LGALS8: variants seen among roughly 807,000 people sequenced by gnomAD.
The protein encoded by LGALS8 is galectin-8.
Under a neutral mutation model 35.9 loss-of-function variants are expected in LGALS8, and 30 were observed. That is an observed-to-expected ratio of 0.83 (90% CI 0.62 to 1.13). LGALS8 has a LOEUF of 1.13. Ranked by LOEUF, LGALS8 falls within the 50% of genes most tolerant of loss-of-function variation. The pLI is 0.00. For synonymous variants in LGALS8, 138 were observed against 136.1 expected (o/e 1.01, Z -0.10); for missense variants, 366 against 388.7 (o/e 0.94, Z 0.49).
intron 2 of LGALS8, among the ~76,000 whole-genome samples, chr1:236,527,907 T>C (rs1660907032): frequency 6.6e-6 from 1 of 152,058 alleles, no homozygotes; most frequent in Non-Finnish European, 1.5e-5. Context: ...GGCTAATTTT[T>C]GTGTTTTTAG....
At chr1:236,537,922 A>ACCT (rs1553277031) in intron 3 of LGALS8, among the ~76,000 whole-genome samples, 5 of 137,306 alleles carry the variant, frequency 3.6e-5, no homozygotes, top group African/African-American at 8.1e-5. Flanking sequence ...ACATAGTGAG[A>ACCT]CCCCCCATCT....
intron 2 of LGALS8, among the ~76,000 whole-genome samples, chr1:236,528,690 T>TTGG (rs1247926152): frequency 6.6e-6 from 1 of 151,362 alleles, no homozygotes; most frequent in African/African-American, 2.4e-5. Flanking sequence ...TGCACCACCA[T>TTGG]GCCTGGCTAA....
upstream of LGALS8, among the ~76,000 whole-genome samples, chr1:236,519,544 A>G (rs1296236241): frequency 1.3e-5 from 2 of 152,232 alleles, no homozygotes; most frequent in African/African-American, 4.8e-5. Flanking sequence ...CAGTTGTGGC[A>G]AATAATTGGC....
At chr1:236,520,707 T>C (rs1337229378), upstream of LGALS8, among the ~76,000 whole-genome samples, 19 of 152,214 alleles carry the variant, frequency 1.2e-4, no homozygotes. Flanking sequence ...GTCTCATTTA[T>C]TGGCGTTGTC....
At position 236,543,582 on chromosome 1, in the gene LGALS8, T is replaced by TGTTCA; in HGVS notation, c.573_574insTTCAG (p.Asn192PhefsTer18). On this transcript the variant is annotated frameshift_variant, in exon 8 of 10. Transcript: ENST00000366584. LOFTEE classifies it high-confidence loss of function. ...CAGAGGCTGCCATTCGCTGCAAGGT[T>TGTTCA]GAACACCCCCATGGGCCCTGGACGA... 1.2e-6 allele frequency: 2 copies of TGTTCA among 1,614,086 alleles called. No individual in the cohort carries two copies. Among genetic ancestry groups the TGTTCA allele is most frequent in the Non-Finnish European group, 1.7e-6 (2 of 1,179,972 alleles).
intron 8 of LGALS8, 56 bp from the exon 9 acceptor site, chr1:236,544,691 GCCA>G: frequency 7.4e-7 from 1 of 1,344,794 alleles, no homozygotes; most frequent in East Asian, 2.3e-5. Flanking sequence ...TGCTGAAATT[GCCA>G]CTACTCTGTC....
In LGALS8 at chr1:236,550,948, T is replaced by C; in HGVS notation, c.*2787T>C. 1.2e-6 allele frequency: 2 copies of C among 1,606,818 alleles called. No individual in the cohort carries two copies. The highest frequency in any genetic ancestry group is 1.7e-6 in the Non-Finnish European group (2 of 1,177,968). ...CTCTCCCAGGACAGTTTCCAGTTGCTGAATAGTCTTTTGGCACTGATGTTC... is the reference window on the plus strand; with the variant it reads ...CTCTCCCAGGACAGTTTCCAGTTGCCGAATAGTCTTTTGGCACTGATGTTC... On this transcript the variant is annotated 3_prime_UTR_variant, in exon 10 of 10. Coordinates refer to ENST00000366584, the MANE Select transcript of LGALS8 (RefSeq NM_201544.4).
chr1:236,540,432 C>T (rs567748955), intron 4 of LGALS8, 132 bp from the exon 5 acceptor site: 53 of 1,003,780 alleles, frequency 5.3e-5, no homozygotes, highest in Non-Finnish European at 6.8e-5. Flanking sequence ...ACCATTTGGT[C>T]ATGTGTGTGG....
upstream of LGALS8, chr1:236,523,884 G>A: frequency 2.9e-6 from 1 of 348,030 alleles, no homozygotes; most frequent in South Asian, 2.1e-5. Context: ...CACAGAAGGC[G>A]GGGCGCGGGG....
At position 236,524,020 on chromosome 1, in the gene LGALS8, A is replaced by T; in HGVS notation, c.-145A>T. ...ACCCTGACGGCACTTAGCTGCTGACAAACAACCTGCTCCGTGGAGCGCCTG... is the reference window on the plus strand; with the variant it reads ...ACCCTGACGGCACTTAGCTGCTGACTAACAACCTGCTCCGTGGAGCGCCTG... On this transcript the variant is annotated 5_prime_UTR_variant, in exon 1 of 10. Coordinates refer to ENST00000366584, the MANE Select transcript of LGALS8 (RefSeq NM_201544.4). The T allele has an allele frequency of 2.3e-6, 1 of 428,378 alleles. No homozygotes were observed. The highest frequency in any genetic ancestry group is 7.1e-5 in the East Asian group (1 of 14,034). The allele number at this position is 428,378 out of a possible 1,614,324, so 26.5% of individuals were successfully genotyped here. A position where few individuals can be genotyped will look rare whatever the true frequency, so the allele number is the denominator to read the frequency against.
chr1:236,534,212 C>T (rs1394846495), intron 2 of LGALS8, among the ~76,000 whole-genome samples: 3 of 152,080 alleles, frequency 2.0e-5, no homozygotes, highest in Non-Finnish European at 4.4e-5. Context: ...AAAGGGATAC[C>T]AATTTTCAGC....
chr1:236,535,960 C>T (rs1661468224), intron 2 of LGALS8, among the ~76,000 whole-genome samples: 1 of 152,204 alleles, frequency 6.6e-6, no homozygotes, highest in African/African-American at 2.4e-5. Context: ...GTCTCTTGAC[C>T]TGTGTCCTGG....
intron 5 of LGALS8, 87 bp downstream of exon 5, chr1:236,540,770 G>T (rs898654860): frequency 2.0e-5 from 27 of 1,329,694 alleles, no homozygotes; most frequent in Admixed American, 1.5e-4. Context: ...CACTTCTATT[G>T]ACATAAAAAG....
chr1:236,524,184 G>A (rs1215741097), intron 1 of LGALS8, 123 bp downstream of exon 1: 4 of 456,550 alleles, frequency 8.8e-6, no homozygotes, highest in Non-Finnish European at 1.8e-5. Flanking sequence ...CATTTGATGG[G>A]TGGGACAGTG....
chr1:236,540,519 T>C (rs1480447221), intron 4 of LGALS8, 45 bp from the exon 5 acceptor site: 3 of 1,437,952 alleles, frequency 2.1e-6, no homozygotes, highest in Non-Finnish European at 2.8e-6. Context: ...TATTAACTGT[T>C]TTTTTTTGGT....
chr1:236,542,921 A>T (rs1426292902), intron 7 of LGALS8, 134 bp downstream of exon 7: 1 of 1,614,070 alleles, frequency 6.2e-7, no homozygotes, highest in Admixed American at 1.7e-5. Context: ...ACAGCCTAGT[A>T]ATAGAGGAGG....
chr1:236,524,454 A>C (rs1421419494), intron 1 of LGALS8: 3 of 456,262 alleles, frequency 6.6e-6, no homozygotes, highest in Non-Finnish European at 1.3e-5. Context: ...GAATCTGGGG[A>C]AGTTTCCTTC....
intron 8 of LGALS8, among the ~76,000 whole-genome samples, chr1:236,543,984 A>C (rs1158301002): frequency 6.6e-6 from 1 of 151,018 alleles, no homozygotes; most frequent in Non-Finnish European, 1.5e-5. Context: ...TCACTGTGTC[A>C]CCCAGGCTGG....
At chr1:236,539,161 G>A in intron 4 of LGALS8, 72 bp downstream of exon 4, 3 of 1,218,642 alleles carry the variant, frequency 2.5e-6, no homozygotes, top group Non-Finnish European at 3.6e-6. Flanking sequence ...TTTCACATTT[G>A]TGAGCCCAGC....
Sources: gnomAD v4.1 joint callset for allele counts (sites outside exome capture counted in the v4.1 genomes callset) on GRCh38, gnomAD v4.1.1 for gene constraint, MANE v1.5 for transcripts, NCBI Gene and HGNC (gene_info 2026-07-23, HGNC 2026-07-21) for gene names.